The following PTPRD variants were observed in gnomAD, a reference collection of about 807,000 sequenced individuals.
PTPRD encodes the protein protein tyrosine phosphatase receptor type D, also known as receptor-type tyrosine-protein phosphatase delta.
In PTPRD, 34 loss-of-function variants were observed where a neutral mutation model predicts 214.5. The ratio of observed to expected loss-of-function variants is 0.16; its 90% CI spans 0.12 to 0.21. The LOEUF (loss-of-function observed/expected upper bound fraction) is 0.21, where lower values mean the gene tolerates loss of function less well. Ranked by LOEUF, PTPRD falls within the 10% of genes least tolerant of loss-of-function variation. The pLI is 1.00. For synonymous variants in PTPRD, 1,128 were observed against 845.7 expected (o/e 1.33, Z -5.79); for missense variants, 2,545 against 2,398.7 (o/e 1.06, Z -1.27).
At chr9:8,578,148 G>A (rs1409106175) in intron 14 of PTPRD, among the ~76,000 whole-genome samples, 2 of 152,170 alleles carry the variant, frequency 1.3e-5, no homozygotes, top group African/African-American at 4.8e-5. Flanking sequence ...GAAATGTGAA[G>A]ATGATCATGT....
chr9:10,494,880 T>C (rs1432231568), intron 2 of PTPRD, among the ~76,000 whole-genome samples: 1 of 151,770 alleles, frequency 6.6e-6, no homozygotes, highest in East Asian at 1.9e-4. Context: ...ATATAATGTA[T>C]TGTAAAAATT....
intron 11 of PTPRD, among the ~76,000 whole-genome samples, chr9:8,886,881 C>A (rs2098494627): frequency 6.6e-6 from 1 of 152,214 alleles, no homozygotes; most frequent in South Asian, 2.1e-4. Flanking sequence ...GATATACACA[C>A]ACAAACTGCA....
intron 12 of PTPRD, among the ~76,000 whole-genome samples, chr9:8,707,335 T>C (rs911529125): frequency 6.6e-6 from 1 of 152,226 alleles, no homozygotes; most frequent in Non-Finnish European, 1.5e-5. Flanking sequence ...AGATCTTAAA[T>C]TGAATTATGT....
At chr9:10,107,718 T>C (rs987323890) in intron 3 of PTPRD, among the ~76,000 whole-genome samples, 1 of 152,122 alleles carries the variant, frequency 6.6e-6, no homozygotes, top group Non-Finnish European at 1.5e-5. Flanking sequence ...AAATGACTTA[T>C]ATGTAGTATG....
intron 11 of PTPRD, among the ~76,000 whole-genome samples, chr9:9,014,965 T>C (rs1488180411): frequency 6.6e-6 from 1 of 152,164 alleles, no homozygotes; most frequent in African/African-American, 2.4e-5. Context: ...TGTGTAGGTA[T>C]GTCTGTGTAC....
At chr9:9,122,456 C>T (rs36020757) in intron 10 of PTPRD, among the ~76,000 whole-genome samples, 6 of 152,174 alleles carry the variant, frequency 3.9e-5, no homozygotes, top group Non-Finnish European at 7.4e-5. Context: ...CAGAATTAGC[C>T]TAAATCTGAA....
At chr9:10,460,770 T>C (rs963151563) in intron 2 of PTPRD, among the ~76,000 whole-genome samples, 16 of 152,086 alleles carry the variant, frequency 1.1e-4, no homozygotes, top group Non-Finnish European at 1.9e-4. Context: ...AACATAAGAC[T>C]TGAAATCATA....
intron 35 of PTPRD, among the ~76,000 whole-genome samples, chr9:8,425,154 G>A (rs1178144492): frequency 6.6e-6 from 1 of 152,098 alleles, no homozygotes; most frequent in Admixed American, 6.6e-5. Flanking sequence ...ACATAAATAA[G>A]TAAAGTCATC....
chr9:8,347,098 A>G (rs1409575606), intron 39 of PTPRD, among the ~76,000 whole-genome samples: 1 of 150,826 alleles, frequency 6.6e-6, no homozygotes, highest in Non-Finnish European at 1.5e-5. Context: ...ATAGAGGGGG[A>G]CTACACTAAT....
At chr9:9,838,081 C>A (rs2057320567) in intron 5 of PTPRD, among the ~76,000 whole-genome samples, 1 of 152,276 alleles carries the variant, frequency 6.6e-6, no homozygotes, top group African/African-American at 2.4e-5. Flanking sequence ...ATCCATGTCC[C>A]TACAAAGGAC....
intron 11 of PTPRD, among the ~76,000 whole-genome samples, chr9:8,887,495 T>G (rs58364594): frequency 0.016 from 2,401 of 152,276 alleles, 68 homozygotes; most frequent in African/African-American, 0.055. Flanking sequence ...ATGTCACCAC[T>G]CTTTCCTTTT....
At chr9:10,187,805 G>A (rs989959609) in intron 3 of PTPRD, among the ~76,000 whole-genome samples, 5 of 152,130 alleles carry the variant, frequency 3.3e-5, no homozygotes, top group Non-Finnish European at 7.4e-5. Context: ...CCTCTCACTA[G>A]AATTGTGGCA....
chr9:8,782,676 C>T (rs1009299083), intron 11 of PTPRD, among the ~76,000 whole-genome samples: 4 of 150,402 alleles, frequency 2.7e-5, no homozygotes, highest in Non-Finnish European at 4.4e-5. Flanking sequence ...CGGCTCACTG[C>T]AACCTCCACC....
intron 5 of PTPRD, among the ~76,000 whole-genome samples, chr9:9,915,954 T>C (rs2080643375): frequency 6.6e-6 from 1 of 151,682 alleles, no homozygotes; most frequent in Admixed American, 6.6e-5. Flanking sequence ...CAAATAATTC[T>C]AAAAGCTGGA....
intron 3 of PTPRD, among the ~76,000 whole-genome samples, chr9:10,121,940 A>C (rs1490356854): frequency 1.3e-5 from 2 of 152,206 alleles, no homozygotes; most frequent in African/African-American, 4.8e-5. Flanking sequence ...TCATGTTACA[A>C]AATCTCAAGA....
intron 4 of PTPRD, among the ~76,000 whole-genome samples, chr9:9,984,280 A>T (rs1410392341): frequency 6.6e-6 from 1 of 152,224 alleles, no homozygotes; most frequent in Admixed American, 6.5e-5. Context: ...TAAATCATGA[A>T]AAAAGATTAT....
At chr9:10,354,267 A>C (rs1021606805) in intron 2 of PTPRD, among the ~76,000 whole-genome samples, 14 of 152,144 alleles carry the variant, frequency 9.2e-5, no homozygotes, top group Non-Finnish European at 1.6e-4. Context: ...GAATCCATTT[A>C]ATGATAAACA....
intron 14 of PTPRD, among the ~76,000 whole-genome samples, chr9:8,536,162 G>T (rs1593055804): frequency 6.6e-6 from 1 of 151,704 alleles, no homozygotes; most frequent in Admixed American, 6.6e-5. Context: ...TCTAGATTTG[G>T]TGTCTTTTTA....
intron 9 of PTPRD, among the ~76,000 whole-genome samples, chr9:9,237,599 G>A (rs1163640372): frequency 6.6e-6 from 1 of 152,092 alleles, no homozygotes; most frequent in Non-Finnish European, 1.5e-5. Context: ...AATATTTGCT[G>A]TTTTGTTGGT....
Sources: gnomAD v4.1 joint callset for allele counts (sites outside exome capture counted in the v4.1 genomes callset) on GRCh38, gnomAD v4.1.1 for gene constraint, MANE v1.5 for transcripts, NCBI Gene and HGNC (gene_info 2026-07-23, HGNC 2026-07-21) for gene names.